KANSL1: variants seen among roughly 807,000 people sequenced by gnomAD.
KANSL1 encodes MLL1/MLL complex subunit KANSL1.
KANSL1 carries 22 observed loss-of-function variants against 103.6 expected under a neutral mutation model. That is an observed-to-expected ratio of 0.21 (90% CI 0.15 to 0.30). KANSL1 has a LOEUF of 0.30. Ranked by LOEUF, KANSL1 falls within the 10% of genes least tolerant of loss-of-function variation. KANSL1 has a pLI of 1.00. For synonymous variants in KANSL1, 600 were observed against 527.6 expected, an observed-to-expected ratio of 1.14 and a Z score of -1.88; for missense variants, 1,337 against 1,399.8, an observed-to-expected ratio of 0.96 and a Z score of 0.72.
intron 3 of KANSL1, among the ~76,000 whole-genome samples, chr17:46,092,512 A>G (rs1180994960): frequency 6.6e-6 from 1 of 152,214 alleles, no homozygotes; most frequent in Non-Finnish European, 1.5e-5. Context: ...TATTTAATTT[A>G]AATAACAAAT....
intron 2 of KANSL1, among the ~76,000 whole-genome samples, chr17:46,149,147 C>T (rs1231849519): frequency 2.0e-4 from 30 of 152,150 alleles, no homozygotes; most frequent in Admixed American, 1.5e-3. Context: ...GGACTACAGG[C>T]GCCCACCACT....
At chr17:46,176,340 C>T (rs2046518123) in intron 1 of KANSL1, among the ~76,000 whole-genome samples, 1 of 152,260 alleles carries the variant, frequency 6.6e-6, no homozygotes, top group African/African-American at 2.4e-5. Context: ...CAAAGTTATT[C>T]TGAGATTATT....
intron 1 of KANSL1, among the ~76,000 whole-genome samples, chr17:46,219,415 T>G (rs1460382461): frequency 1.3e-5 from 2 of 152,314 alleles, no homozygotes; most frequent in Admixed American, 6.5e-5. Context: ...CAGGCTGGAC[T>G]GCAGGGGCGC....
rs371965898 is a variant in KANSL1, at chr17:46,170,010, G to A, written c.1289+845C>T. Among the ~76,000 whole-genome samples the A allele has an allele frequency of 2.0e-4, 30 of 152,232 alleles. 1 individual carries two copies. In the Middle Eastern group the frequency reaches 0.017, roughly 86 times the overall value. ...AAAAAAATTAGCCTGACTTGGTGGCGGGTACCTGTAATCCCAGCTACTTAG... is the reference window on the plus strand; with the variant it reads ...AAAAAAATTAGCCTGACTTGGTGGCAGGTACCTGTAATCCCAGCTACTTAG... On this transcript the variant is annotated intron_variant, in intron 2 of 14. Transcript: ENST00000432791.
chr17:46,150,395 T>C (rs1227403029), intron 2 of KANSL1, among the ~76,000 whole-genome samples: 1 of 152,192 alleles, frequency 6.6e-6, no homozygotes, highest in Non-Finnish European at 1.5e-5. Flanking sequence ...GCACTTAATC[T>C]GTATCTTTTC....
chr17:46,139,425 TTCTC>T (rs1351196232), intron 2 of KANSL1, among the ~76,000 whole-genome samples: 1 of 152,240 alleles, frequency 6.6e-6, no homozygotes, highest in Non-Finnish European at 1.5e-5. Flanking sequence ...TTTCCATTAT[TTCTC>T]TCTAACATCA....
intron 7 of KANSL1, chr17:46,050,306 T>C: frequency 1.8e-6 from 1 of 570,766 alleles, no homozygotes; most frequent in Non-Finnish European, 3.1e-6. Context: ...TCCTAGCTAC[T>C]TGAAGAGTTA....
chr17:46,166,966 T>C (rs1265748589), intron 2 of KANSL1, among the ~76,000 whole-genome samples: 2 of 151,908 alleles, frequency 1.3e-5, no homozygotes, highest in Non-Finnish European at 2.9e-5. Context: ...GAGGTTATTT[T>C]TATACTGAAC....
At chr17:46,072,614 A>C (rs950497050) in intron 4 of KANSL1, among the ~76,000 whole-genome samples, 5 of 152,150 alleles carry the variant, frequency 3.3e-5, no homozygotes, top group Middle Eastern at 3.2e-3. Flanking sequence ...ATAGTATACT[A>C]GCCATTTCCA....
chr17:46,082,847 T>G (rs1049986610), intron 3 of KANSL1, among the ~76,000 whole-genome samples: 1 of 152,170 alleles, frequency 6.6e-6, no homozygotes, highest in Admixed American at 6.5e-5. Context: ...ATTTATACCA[T>G]ATTACTAGAC....
At chr17:46,160,540 C>G (rs1214881526) in intron 2 of KANSL1, among the ~76,000 whole-genome samples, 1 of 152,126 alleles carries the variant, frequency 6.6e-6, no homozygotes, top group African/African-American at 2.4e-5. Flanking sequence ...GAGATCTGCC[C>G]GCCTTGGCCT....
intron 6 of KANSL1, among the ~76,000 whole-genome samples, chr17:46,054,845 T>C (rs1598492855): frequency 6.6e-6 from 1 of 151,542 alleles, no homozygotes; most frequent in African/African-American, 2.4e-5. Context: ...AATGTCAGTA[T>C]TCAAAGTAAC....
rs779999524 is a variant in KANSL1 at position 46,031,548 on chromosome 17, C to T, written c.3246G>A (p.Ser1082=). Residue 1082 remains serine, a synonymous_variant, in exon 15 of 15, where the codon TCG becomes TCA. Transcript: ENST00000432791. The stretch of plus-strand genomic sequence containing the variant: ...GACTCTTGAGGGGGACAATGGGAGG[C>T]GAGGTGGGCGCTGCCTCTGTCTCCC... The part of the protein sequence containing the change: ...TGRETEAAPT[S]PPIVPLKSRH... The T allele has an allele frequency of 3.1e-6, 5 of 1,613,870 alleles. No homozygotes were observed. Among genetic ancestry groups the T allele is most frequent in the East Asian group, 2.2e-5 (1 of 44,878 alleles).
Position 46,171,425 on chromosome 17 carries a change from G to C in KANSL1, c.719C>G (p.Pro240Arg). The change falls in exon 2 of 15, where the codon CCG becomes CGG. Residue 240 changes from proline (P) to arginine (R), a missense_variant. This residue lies in a region of KANSL1 where 557 missense variants were observed against 476.4 expected (regional missense o/e 1.17). Transcript: ENST00000432791. ...NKSSVNSMEQPALQGSSRLSP... is the reference protein window; with the variant it reads ...NKSSVNSMEQRALQGSSRLSP... The stretch of plus-strand genomic sequence containing the variant: ...TAATCTACTGCTTCCTTGAAGTGCC[G>C]GCTGTTCCATGGAATTGACAGAGGA... 1 of 1,613,992 alleles carries C rather than the reference G, an allele frequency of 6.2e-7. No homozygotes were observed. The highest frequency in any genetic ancestry group is 1.3e-5 in the African/African-American group (1 of 74,988).
intron 12 of KANSL1, 68 bp downstream of exon 12, chr17:46,033,335 G>A (rs1361701946): frequency 6.6e-7 from 1 of 1,507,412 alleles, no homozygotes; most frequent in Non-Finnish European, 9.2e-7. Flanking sequence ...CATTTAGGGT[G>A]TGTGCACTCA....
chr17:46,075,947 T>TC (rs2078751293), intron 4 of KANSL1, among the ~76,000 whole-genome samples: 1 of 152,130 alleles, frequency 6.6e-6, no homozygotes, highest in Non-Finnish European at 1.5e-5. Context: ...ACTGACTCCC[T>TC]CCAGCACTCC....
At chr17:46,154,584 TCAC>T (rs1422543040) in intron 2 of KANSL1, among the ~76,000 whole-genome samples, 3 of 152,186 alleles carry the variant, frequency 2.0e-5, no homozygotes, top group African/African-American at 4.8e-5. Context: ...GCCCGGGCTC[TCAC>T]CACAATTATA....
chr17:46,072,342 C>T lies in KANSL1; in HGVS notation c.1534-4675G>A, dbSNP rs943993616. ...TTCAATTAATGCCATGTCACACCTG[C>T]TTGCAATGTCATTTTTTAAATGTAT... On this transcript the variant is annotated intron_variant, in intron 4 of 14. Transcript: ENST00000432791. Among the ~76,000 whole-genome samples the T allele has an allele frequency of 3.9e-5, 6 of 152,118 alleles. No homozygotes were observed. The South Asian group carries it at 8.3e-4, about 21-fold the overall frequency.
rs183391816 is a variant in KANSL1, at chr17:46,073,080, C to T, written c.1534-5413G>A. On this transcript the variant is annotated intron_variant, in intron 4 of 14. Coordinates refer to ENST00000432791, the MANE Select transcript of KANSL1 (RefSeq NM_015443.4). ...TCCCTTTACCTTCTATCCCAAAACC[C>T]TTGTCAGGCCAATGAACTACTCACT... 4.3e-3 allele frequency among the ~76,000 whole-genome samples: 656 copies of T among 152,292 alleles called. 10 individuals carry two copies. The highest frequency in any genetic ancestry group is 0.017 in the Middle Eastern group (5 of 294).
Sources: allele counts gnomAD v4.1 joint callset (sites outside exome capture counted in the v4.1 genomes callset), GRCh38; gene constraint gnomAD v4.1.1; regional missense constraint gnomAD v4.1.1; transcripts MANE v1.5; gene names NCBI Gene and HGNC (gene_info 2026-07-23, HGNC 2026-07-21).